CFAP69: variants seen among roughly 807,000 people sequenced by gnomAD.
CFAP69 encodes the protein cilia and flagella associated protein 69, also known as cilia- and flagella-associated protein 69.
A neutral mutation model predicts 123.0 loss-of-function variants in CFAP69; 92 were observed. The ratio of observed to expected loss-of-function variants is 0.75; its 90% CI spans 0.63 to 0.89. The LOEUF (loss-of-function observed/expected upper bound fraction) is 0.89, where lower values mean the gene tolerates loss of function less well. Ranked by LOEUF, CFAP69 falls within the 40% of genes least tolerant of loss-of-function variation. CFAP69 has a pLI of 0.00. For missense variants in CFAP69, 1,067 were observed against 1,096.9 expected (o/e 0.97, Z 0.39); for synonymous variants, 380 against 364.3 (o/e 1.04, Z -0.49).
chr7:90,265,464 T>C, intron 5 of CFAP69, 87 bp downstream of exon 5: 1 of 829,936 alleles, frequency 1.2e-6, no homozygotes, highest in Non-Finnish European at 2.0e-6. Flanking sequence ...CAAGTTTCAC[T>C]AAGAGGACTC....
chr7:90,248,497 A>C (rs192550256), intron 1 of CFAP69, among the ~76,000 whole-genome samples: 1 of 152,346 alleles, frequency 6.6e-6, no homozygotes, highest in African/African-American at 2.4e-5. Flanking sequence ...ACAGAGTATT[A>C]GATTTTTCTA....
At chr7:90,305,754 ATTACT>A (rs1304225312) in intron 19 of CFAP69, among the ~76,000 whole-genome samples, 5 of 151,516 alleles carry the variant, frequency 3.3e-5, no homozygotes, top group Admixed American at 6.6e-5. Context: ...TTATTTTATC[ATTACT>A]TTATATTATG....
intron 4 of CFAP69, among the ~76,000 whole-genome samples, chr7:90,264,896 C>T (rs886298923): frequency 5.3e-5 from 8 of 152,004 alleles, no homozygotes; most frequent in African/African-American, 1.5e-4. Context: ...AGGATTCTAG[C>T]GATTCTCCTG....
intron 3 of CFAP69, among the ~76,000 whole-genome samples, chr7:90,260,226 G>T (rs1413784662): frequency 1.3e-5 from 2 of 152,084 alleles, no homozygotes; most frequent in Admixed American, 1.3e-4. Context: ...GTCTGACTTG[G>T]TCTAAAGAAG....
In CFAP69 at chr7:90,273,998, A is replaced by G; in HGVS notation, c.872A>G (p.Glu291Gly). The G allele has an allele frequency of 1.3e-6, 2 of 1,595,782 alleles. No homozygotes were observed. The change falls in exon 9 of 23, where the codon GAA (glutamate) becomes GGA (glycine). Residue 291 changes from glutamate (E) to glycine (G), a missense_variant. Physicochemically the swap from Glu to Gly is moderately conservative, Grantham distance 98. Coordinates refer to ENST00000389297, the MANE Select transcript of CFAP69 (RefSeq NM_001039706.3). ...ATTTTACTTTCTAGGGCTTTGAAGG[A>G]AGTATTTAAAAATCTGTTTATGAGA... is the stretch of plus-strand genomic sequence containing the variant. The part of the protein sequence containing the change: ...SNLECLLALK[E>G]VFKNLFMRGF...
At chr7:90,296,562 A>G (rs182689142) in intron 15 of CFAP69, among the ~76,000 whole-genome samples, 136 of 152,072 alleles carry the variant, frequency 8.9e-4, no homozygotes, top group African/African-American at 3.1e-3. Context: ...TCCTGACCTC[A>G]GGTGATCCAC....
chr7:90,286,895 C>G (rs1473578110), intron 14 of CFAP69, among the ~76,000 whole-genome samples: 5 of 151,852 alleles, frequency 3.3e-5, no homozygotes, highest in African/African-American at 1.2e-4. Context: ...TGAGACCAGC[C>G]TGGCCAACAT....
chr7:90,252,053 A>C (rs1192255502), intron 1 of CFAP69: 1 of 151,972 alleles, frequency 6.6e-6, no homozygotes, highest in Non-Finnish European at 1.5e-5. Context: ...TTTCATTCCA[A>C]TATCCTTGTC....
At chr7:90,304,626 C>T in intron 18 of CFAP69, 118 bp from the exon 19 acceptor site, 1 of 1,450,880 alleles carries the variant, frequency 6.9e-7, no homozygotes, top group South Asian at 1.4e-5. Context: ...AGTAACTTTG[C>T]ATTTGTTTTT....
chr7:90,315,223 C>T (rs144875117), downstream of CFAP69, among the ~76,000 whole-genome samples: 1 of 152,202 alleles, frequency 6.6e-6, no homozygotes, highest in Non-Finnish European at 1.5e-5. Flanking sequence ...AAAAACAGAA[C>T]TACTATTCGA....
Position 90,288,076 on chromosome 7 carries a change from TA to T in CFAP69, c.1657-156del, listed in dbSNP as rs201465931. ...TTTGTTTTAAATTCCTGAGAACAAG[TA>T]AGTACGGTTTTTTAAATTGCAGTAA... On this transcript the variant is annotated intron_variant, in intron 14 of 22. Coordinates refer to ENST00000389297, the MANE Select transcript of CFAP69 (RefSeq NM_001039706.3). Among the ~76,000 whole-genome samples, 962 of 152,240 alleles carry T rather than the reference TA, an allele frequency of 6.3e-3. 11 individuals carry two copies. Among genetic ancestry groups the T allele is most frequent in the Non-Finnish European group, 6.7e-3 (457 of 67,978 alleles).
Position 90,306,998 on chromosome 7 carries a change from C to T in CFAP69, c.2363C>T (p.Ala788Val). The T allele has an allele frequency of 1.2e-6, 2 of 1,612,122 alleles. No individual in the cohort carries two copies. The highest frequency in any genetic ancestry group is 1.7e-6 in the Non-Finnish European group (2 of 1,178,652). ...DKKALEAITT[A>V]SENIGKMVAS... The stretch of plus-strand genomic sequence containing the variant: ...AAAGCTTTGGAAGCTATTACAACAG[C>T]ATCAGAAAATATTGGAAAGATGGTT... The change falls in exon 20 of 23, where the codon GCA becomes GTA. Residue 788 changes from alanine (A) to valine (V), a missense_variant. Physicochemically the swap from Ala to Val is moderately conservative, Grantham distance 64 (BLOSUM62 0). Coordinates refer to ENST00000389297, the MANE Select transcript of CFAP69 (RefSeq NM_001039706.3).
the CFAP69 span, chr7:90,319,380 A>G: frequency 1.0e-5 from 4 of 398,466 alleles, no homozygotes; most frequent in African/African-American, 8.2e-5. Context: ...TCTGTGGAAA[A>G]TTATATTTGG....
chr7:90,269,267 AACAGGACCAGAAAT>A (rs1213903795), intron 6 of CFAP69, among the ~76,000 whole-genome samples: 6 of 152,106 alleles, frequency 3.9e-5, no homozygotes, highest in African/African-American at 1.4e-4. Context: ...TACTAAAAGC[AACAGGACCAGAAAT>A]ACAGGTTTGG....
At chr7:90,279,039 G>T (rs1045081268) in intron 11 of CFAP69, among the ~76,000 whole-genome samples, 1 of 152,014 alleles carries the variant, frequency 6.6e-6, no homozygotes, top group Non-Finnish European at 1.5e-5. Flanking sequence ...TAATTCTGTT[G>T]TCATAATAGC....
At chr7:90,299,620 T>C (rs955124436) in intron 16 of CFAP69, among the ~76,000 whole-genome samples, 5 of 152,144 alleles carry the variant, frequency 3.3e-5, no homozygotes. Flanking sequence ...TCAGTCACAT[T>C]TTGGTCATGA....
chr7:90,322,270 C>T, the CFAP69 span: 1 of 152,214 alleles, frequency 6.6e-6, no homozygotes, highest in Non-Finnish European at 1.5e-5. Flanking sequence ...AAGGGGAAGA[C>T]TTGTTTACTC....
rs369777855 is a variant in CFAP69, at chr7:90,310,111, G to T, written c.2699G>T (p.Arg900Leu). The change falls in exon 23 of 23, where the codon CGA (arginine) becomes CTA (leucine). Residue 900 changes from arginine (R) to leucine (L), a missense_variant. Arg to Leu is a moderately radical substitution (Grantham distance 102). Transcript: ENST00000389297. ...GVVTVESTPARLVGGPLVDTD... is the reference protein window; with the variant it reads ...GVVTVESTPALLVGGPLVDTD... Reference sequence around the variant, plus strand: ...GTAACAGTGGAAAGCACTCCTGCCCGATTAGTAGGAGGACCTCTGGTTGAT... The same window carrying T: ...GTAACAGTGGAAAGCACTCCTGCCCTATTAGTAGGAGGACCTCTGGTTGAT... 1.2e-6 allele frequency: 2 copies of T among 1,613,714 alleles called. No individual in the cohort carries two copies. Among genetic ancestry groups the T allele is most frequent in the Non-Finnish European group, 1.7e-6 (2 of 1,179,820 alleles).
chr7:90,278,447 T>C (rs547516584), intron 11 of CFAP69, among the ~76,000 whole-genome samples: 8 of 152,300 alleles, frequency 5.3e-5, no homozygotes, highest in Admixed American at 4.6e-4. Context: ...AAATACATAC[T>C]GTGTAGAACC....
Sources: allele counts gnomAD v4.1 joint callset (sites outside exome capture counted in the v4.1 genomes callset), GRCh38; gene constraint gnomAD v4.1.1; transcripts MANE v1.5; gene names NCBI Gene and HGNC (gene_info 2026-07-23, HGNC 2026-07-21).